Variants in PELP1 observed in about 807,000 individuals in gnomAD.
PELP1 encodes proline-, glutamic acid- and leucine-rich protein 1.
A neutral mutation model predicts 95.5 loss-of-function variants in PELP1; 32 were observed. The observed-to-expected ratio is 0.34, with a 90% CI of 0.25 to 0.45. The LOEUF (loss-of-function observed/expected upper bound fraction) is 0.45, where lower values mean the gene tolerates loss of function less well. Ranked by LOEUF, PELP1 falls within the 20% of genes least tolerant of loss-of-function variation. The pLI is 1.00. For synonymous variants in PELP1, 668 were observed against 600.1 expected, an observed-to-expected ratio of 1.11 and a Z score of -1.65; for missense variants, 1,358 against 1,444.8, an observed-to-expected ratio of 0.94 and a Z score of 0.97.
chr17:4,686,368 A>G (rs1439071301), intron 3 of PELP1, among the ~76,000 whole-genome samples: 1 of 152,026 alleles, frequency 6.6e-6, no homozygotes, highest in Non-Finnish European at 1.5e-5. Context: ...TCAAACCTGT[A>G]TCGTTCTCAT....
In PELP1 at chr17:4,671,676, T is replaced by G. The variant is rs1912207012; in HGVS notation, c.3300+15A>C. On this transcript the variant is annotated intron_variant, in intron 16 of 16. Coordinates refer to ENST00000572293, the MANE Select transcript of PELP1 (RefSeq NM_014389.3). Reference sequence around the variant, plus strand: ...ACCTTCTCGCCCAAGGAACCTTCCCTGCCTGGCCTCTCACCTTTTCCTGGA... The same window carrying G: ...ACCTTCTCGCCCAAGGAACCTTCCCGGCCTGGCCTCTCACCTTTTCCTGGA... The G allele has an allele frequency of 6.3e-7, 1 of 1,586,840 alleles. No individual in the cohort carries two copies. The highest frequency in any genetic ancestry group is 2.0e-5 in the Admixed American group (1 of 51,126).
chr17:4,700,864 A>G (rs1333020058), intron 1 of PELP1, among the ~76,000 whole-genome samples: 2 of 151,276 alleles, frequency 1.3e-5, no homozygotes, highest in African/African-American at 4.9e-5. Context: ...GGTTGAGGCC[A>G]AGGCCGCAGT....
At chr17:4,699,664 G>A (rs539895764) in intron 1 of PELP1, among the ~76,000 whole-genome samples, 1 of 152,258 alleles carries the variant, frequency 6.6e-6, no homozygotes, top group South Asian at 2.1e-4. Context: ...TCGGCTCACT[G>A]CAATGTCTGC....
rs761420082 is a variant in PELP1, at chr17:4,674,648, G to T, written c.1444C>A (p.Pro482Thr). ...ALKLRSPRGSPDGSLQTGKPS... is the reference protein window; with the variant it reads ...ALKLRSPRGSTDGSLQTGKPS... ...TTCCCAGTCTGCAAACTCCCATCAGGGCTCCCCCGCGGGCTACGCAGCTGG... is the reference window on the plus strand; with the variant it reads ...TTCCCAGTCTGCAAACTCCCATCAGTGCTCCCCCGCGGGCTACGCAGCTGG... Residue 482 changes from proline (P) to threonine (T), a missense_variant, in exon 13 of 17, where the codon CCT becomes ACT. Physicochemically the swap from Pro to Thr is conservative, Grantham distance 38. This residue lies in a region of PELP1 where 538 missense variants were observed against 628.1 expected (regional missense o/e 0.86). Transcript: ENST00000572293. 6.2e-6 allele frequency: 10 copies of T among 1,600,860 alleles called. No individual in the cohort carries two copies. In the South Asian group the frequency reaches 1.1e-4, roughly 18 times the overall value.
intron 3 of PELP1, among the ~76,000 whole-genome samples, chr17:4,690,191 G>C (rs752056081): frequency 6.6e-6 from 1 of 152,120 alleles, no homozygotes; most frequent in Non-Finnish European, 1.5e-5. Flanking sequence ...ACCAAACATC[G>C]TATGTTCTCA....
At chr17:4,676,606 A>G in intron 6 of PELP1, 99 bp from the exon 7 acceptor site, 25 of 1,476,006 alleles carry the variant, frequency 1.7e-5, no homozygotes, top group Non-Finnish European at 2.3e-5. Context: ...GATCAGAGAG[A>G]GCTCTGAGGG....
In PELP1 at chr17:4,703,119, C is replaced by T. The variant is rs537676515; in HGVS notation, c.249+744G>A. Among the ~76,000 whole-genome samples, 5 of 152,224 alleles carry T rather than the reference C, an allele frequency of 3.3e-5. No homozygotes were observed. The East Asian group carries it at 9.6e-4, about 29-fold the overall frequency. On this transcript the variant is annotated intron_variant, in intron 1 of 16. Coordinates refer to ENST00000572293, the MANE Select transcript of PELP1 (RefSeq NM_014389.3). ...GAAGTCCAAAGGCTCCTAACCCGGC[C>T]TAAAACGCTCTGCATGACCCGACCA...
chr17:4,680,740 C>T (rs896518787), intron 5 of PELP1, among the ~76,000 whole-genome samples: 1 of 152,182 alleles, frequency 6.6e-6, no homozygotes, highest in African/African-American at 2.4e-5. Context: ...AGCAGGTGTC[C>T]GATCGTTTGT....
At chr17:4,683,898 G>A (rs1484260240) in intron 3 of PELP1, among the ~76,000 whole-genome samples, 1 of 141,356 alleles carries the variant, frequency 7.1e-6, no homozygotes, top group Non-Finnish European at 1.5e-5. Flanking sequence ...GAGTGCAGTA[G>A]CGCAATCTTG....
intron 1 of PELP1, among the ~76,000 whole-genome samples, chr17:4,697,013 T>C (rs1913325221): frequency 6.6e-6 from 1 of 152,212 alleles, no homozygotes; most frequent in East Asian, 1.9e-4. Flanking sequence ...GCTAGACAAG[T>C]GTGAAGAGAA....
chr17:4,703,958 C>G lies in PELP1; in HGVS notation c.154G>C (p.Ala52Pro). Residue 52 changes from alanine to proline, a missense_variant, in exon 1 of 17, where the codon GCC becomes CCC. This residue lies in a region of PELP1 where 169 missense variants were observed against 134.9 expected (regional missense o/e 1.25). Transcript: ENST00000572293. ...TTTGGGGGATGCACCGGAGCAACGG[C>G]AGACCCCGTTCGAGGTTGCAGCAAA... ...SGLLQPRTGS[A>P]VAPVHPPNRS... The G allele has an allele frequency of 6.2e-7, 1 of 1,613,664 alleles. No individual in the cohort carries two copies.
At chr17:4,688,125 A>C (rs746745383) in intron 3 of PELP1, among the ~76,000 whole-genome samples, 2 of 152,216 alleles carry the variant, frequency 1.3e-5, no homozygotes, top group Non-Finnish European at 2.9e-5. Context: ...ACCTGAGGTC[A>C]GGAGTTTGAG....
intron 2 of PELP1, 127 bp from the exon 3 acceptor site, chr17:4,691,120 T>C: frequency 1.4e-6 from 1 of 713,916 alleles, no homozygotes. Context: ...TTCCAACTCC[T>C]GAAATACTTG....
At chr17:4,687,345 T>C (rs557718962) in intron 3 of PELP1, among the ~76,000 whole-genome samples, 48 of 152,118 alleles carry the variant, frequency 3.2e-4, no homozygotes, top group Non-Finnish European at 5.0e-4. Context: ...GAGATCGAGA[T>C]CATCCTGACT....
intron 13 of PELP1, among the ~76,000 whole-genome samples, chr17:4,674,231 C>T (rs1212575634): frequency 6.6e-6 from 1 of 152,256 alleles, no homozygotes; most frequent in Non-Finnish European, 1.5e-5. Flanking sequence ...CCCGGTCTAA[C>T]CGCAGGACCC....
chr17:4,696,271 G>A (rs1249906269), intron 1 of PELP1, among the ~76,000 whole-genome samples: 2 of 152,160 alleles, frequency 1.3e-5, no homozygotes, highest in African/African-American at 4.8e-5. Flanking sequence ...GGTCAAGACT[G>A]CAGTGAGCCA....
intron 5 of PELP1, among the ~76,000 whole-genome samples, chr17:4,681,636 C>T (rs899815106): frequency 6.6e-6 from 1 of 151,930 alleles, no homozygotes; most frequent in Non-Finnish European, 1.5e-5. Flanking sequence ...CCCATCTCTA[C>T]TAAAAATACA....
rs759684711 is a variant in PELP1, at chr17:4,672,836, C to T, written c.2155G>A (p.Val719Ile). The T allele has an allele frequency of 6.2e-7, 1 of 1,613,914 alleles. No homozygotes were observed. Among genetic ancestry groups the T allele is most frequent in the Non-Finnish European group, 8.5e-7 (1 of 1,179,864 alleles). ...GGGCCAGGAAGAAGCCGGGGAGGGA[C>T]AGACACTAGGCCTGGGACAGAAAGG... ...LGLSVPGLVS[V>I]PPRLLPGPEN... The change falls in exon 16 of 17, where the codon GTC becomes ATC. Residue 719 changes from valine to isoleucine, a missense_variant. By Grantham distance (29) the Val-to-Ile change is conservative (BLOSUM62 3). Around this residue, in one of 7 missense-constraint regions of PELP1, gnomAD observed 340 missense variants for 322.9 expected, o/e 1.05. Coordinates refer to ENST00000572293, the MANE Select transcript of PELP1 (RefSeq NM_014389.3).
rs1447018895 is a variant in PELP1 at position 4,675,024 on chromosome 17, C to A, written c.1274+55G>T. The A allele has an allele frequency of 6.2e-7, 1 of 1,606,178 alleles. No individual in the cohort carries two copies. Among genetic ancestry groups the A allele is most frequent in the African/African-American group, 1.3e-5 (1 of 74,884 alleles). ...CATGCCAGAAGCCCCAGCCCACCTG[C>A]ACCCCCTCACCCCCCTCTCCTCTTT... On this transcript the variant is annotated intron_variant, in intron 11 of 16. Coordinates refer to ENST00000572293, the MANE Select transcript of PELP1 (RefSeq NM_014389.3). This position sits in a 1 kb window ranked among gnomAD's most constrained non-coding sequence, Gnocchi z 4.3.
Sources: gnomAD v4.1 joint callset for allele counts (sites outside exome capture counted in the v4.1 genomes callset) on GRCh38, gnomAD v4.1.1 for gene constraint, gnomAD v4.1.1 regional missense constraint, Gnocchi (gnomAD v3.1) non-coding constraint, MANE v1.5 for transcripts, NCBI Gene and HGNC (gene_info 2026-07-23, HGNC 2026-07-21) for gene names.